MAP3K19: variants seen among roughly 807,000 people sequenced by gnomAD.
MAP3K19 encodes mitogen-activated protein kinase kinase kinase 19, also known as SPS1/STE20-related protein kinase YSK4.
MAP3K19 carries 91 observed loss-of-function variants against 114.4 expected under a neutral mutation model. The observed-to-expected ratio is 0.80, with a 90% confidence interval of 0.67 to 0.95. The LOEUF is 0.95. Ranked by LOEUF, MAP3K19 falls within the 40% of genes least tolerant of loss-of-function variation. MAP3K19 has a pLI of 0.00. For missense variants in MAP3K19, 1,471 were observed against 1,573.2 expected, an observed-to-expected ratio of 0.94 and a Z score of 1.10; for synonymous variants, 518 against 530.5, an observed-to-expected ratio of 0.98 and a Z score of 0.32.
At chr2:135,008,203 A>T (rs1171031676) in intron 5 of MAP3K19, among the ~76,000 whole-genome samples, 3 of 151,510 alleles carry the variant, frequency 2.0e-5, no homozygotes, top group African/African-American at 7.3e-5. Context: ...GCTCACTGCA[A>T]CCTCCACCTC....
At chr2:134,970,067 T>C (rs1210796137) in intron 12 of MAP3K19, among the ~76,000 whole-genome samples, 1 of 152,236 alleles carries the variant, frequency 6.6e-6, no homozygotes, top group Non-Finnish European at 1.5e-5. Context: ...CATAGTGTGA[T>C]GCCTCCAGCT....
At chr2:135,021,978 A>G in intron 4 of MAP3K19, 148 bp from the exon 5 acceptor site, 1 of 521,934 alleles carries the variant, frequency 1.9e-6, no homozygotes. Context: ...AGCTTCAAGC[A>G]CTAATTTTCA....
At position 134,979,572 on chromosome 2, in the gene MAP3K19, A is replaced by G. The variant is rs372617507; in HGVS notation, c.3920+1249T>C. Among the ~76,000 whole-genome samples, 31 of 152,006 alleles carry G rather than the reference A, an allele frequency of 2.0e-4. No homozygotes were observed. The East Asian group carries it at 5.2e-3, about 26-fold the overall frequency. Reference sequence around the variant, plus strand: ...TTAAATTCGGAACAAAGCAACTACAATAGTTTTAACAGTTAACACCAATAT... The same window carrying G: ...TTAAATTCGGAACAAAGCAACTACAGTAGTTTTAACAGTTAACACCAATAT... On this transcript the variant is annotated intron_variant, in intron 12 of 12. Transcript: ENST00000392915.
chr2:134,989,334 G>A (rs1375917153), intron 9 of MAP3K19, among the ~76,000 whole-genome samples: 1 of 152,128 alleles, frequency 6.6e-6, no homozygotes, highest in African/African-American at 2.4e-5. Flanking sequence ...TATAGGCATG[G>A]GTCATGGGTA....
intron 10 of MAP3K19, among the ~76,000 whole-genome samples, chr2:134,984,644 C>A (rs1254541846): frequency 6.6e-6 from 1 of 152,100 alleles, no homozygotes; most frequent in East Asian, 1.9e-4. Context: ...TTCTTCTGAC[C>A]AATAATTATT....
intron 12 of MAP3K19, among the ~76,000 whole-genome samples, chr2:134,980,450 G>A (rs1303024953): frequency 6.6e-6 from 1 of 152,060 alleles, no homozygotes; most frequent in African/African-American, 2.4e-5. Context: ...GGCTCAAAAT[G>A]TTTCCCCTCA....
intron 3 of MAP3K19, 80 bp from the exon 4 acceptor site, chr2:135,024,821 T>C: frequency 1.7e-6 from 1 of 573,744 alleles, no homozygotes; most frequent in East Asian, 2.9e-5. Flanking sequence ...AGGGAAACAT[T>C]TACATCAAAT....
chr2:135,024,738 A>G lies in MAP3K19; in HGVS notation c.-91T>C. On this transcript the variant is annotated 5_prime_UTR_variant, in exon 4 of 13. Transcript: ENST00000392915. ...TTCCACTAAAATCACAAAGTTTAGGATCTCTAGGAAGAACAGAATCAACAT... is the reference window on the plus strand; with the variant it reads ...TTCCACTAAAATCACAAAGTTTAGGGTCTCTAGGAAGAACAGAATCAACAT... 2 of 1,111,120 alleles carry G rather than the reference A, an allele frequency of 1.8e-6. No homozygotes were observed. Among genetic ancestry groups the G allele is most frequent in the Admixed American group, 3.8e-5 (2 of 52,418 alleles). 68.8% of individuals were successfully genotyped at this position (1,111,120 alleles called of 1,614,324 possible).
At chr2:134,975,807 T>A (rs1684197090) in intron 12 of MAP3K19, among the ~76,000 whole-genome samples, 1 of 152,098 alleles carries the variant, frequency 6.6e-6, no homozygotes, top group Non-Finnish European at 1.5e-5. Flanking sequence ...GCGGGTGGGG[T>A]CACTGCCAGT....
chr2:134,995,883 T>C (rs1325412045), intron 8 of MAP3K19, among the ~76,000 whole-genome samples: 2 of 152,058 alleles, frequency 1.3e-5, no homozygotes, highest in Non-Finnish European at 2.9e-5. Context: ...AATTAATAAA[T>C]ACCATTCTAA....
At chr2:134,984,523 A>G (rs1684952625) in intron 10 of MAP3K19, among the ~76,000 whole-genome samples, 1 of 152,204 alleles carries the variant, frequency 6.6e-6, no homozygotes, top group East Asian at 1.9e-4. Flanking sequence ...TATCTACAGT[A>G]ACCAAAACAG....
intron 6 of MAP3K19, among the ~76,000 whole-genome samples, chr2:135,001,596 T>TG (rs1686450922): frequency 6.6e-6 from 1 of 152,252 alleles, no homozygotes; most frequent in Admixed American, 6.5e-5. Context: ...TGCAAACACC[T>TG]AGCTGACATG....
intron 12 of MAP3K19, among the ~76,000 whole-genome samples, chr2:134,968,671 G>T (rs1220767356): frequency 6.6e-6 from 1 of 151,384 alleles, no homozygotes; most frequent in African/African-American, 2.4e-5. Flanking sequence ...CCTCCCAGAC[G>T]GGGTCGCGGC....
In MAP3K19 at chr2:135,003,873, C is replaced by T. The variant is rs117862372; in HGVS notation, c.235+1562G>A. Among the ~76,000 whole-genome samples, 104 of 152,186 alleles carry T rather than the reference C, an allele frequency of 6.8e-4. 1 individual carries two copies. The East Asian group carries it at 0.016, about 24-fold the overall frequency. ...CCGGTCCATTTAAAGAGATTTAAAC[C>T]GATATTTAAAATGAATATAATGGAC... On this transcript the variant is annotated intron_variant, in intron 6 of 12. Transcript: ENST00000392915.
chr2:134,967,427 G>C (rs548590996), intron 12 of MAP3K19, among the ~76,000 whole-genome samples: 9 of 152,222 alleles, frequency 5.9e-5, no homozygotes, highest in African/African-American at 1.4e-4. Context: ...CTGCCTGCCC[G>C]TGGGAACTGA....
At chr2:135,016,553 T>A (rs927106670) in intron 5 of MAP3K19, among the ~76,000 whole-genome samples, 6 of 152,354 alleles carry the variant, frequency 3.9e-5, no homozygotes, top group African/African-American at 1.4e-4. Context: ...ACAAACCTGC[T>A]AGGTTTTGAT....
At chr2:135,032,583 G>GTT (rs1171594166) in intron 2 of MAP3K19, among the ~76,000 whole-genome samples, 16 of 129,936 alleles carry the variant, frequency 1.2e-4, no homozygotes, top group African/African-American at 4.3e-4. Context: ...AATGTTGTTT[G>GTT]TTTTTTTTTT....
intron 11 of MAP3K19, among the ~76,000 whole-genome samples, chr2:134,982,725 G>A (rs4953943): frequency 0.29 from 44,674 of 151,848 alleles, 7,335 homozygotes; most frequent in Middle Eastern, 0.62. Context: ...AAATAGAGCT[G>A]GTTCAGCTCC....
chr2:135,044,719 C>G (rs775601963), intron 1 of MAP3K19, among the ~76,000 whole-genome samples: 1 of 152,194 alleles, frequency 6.6e-6, no homozygotes, highest in Non-Finnish European at 1.5e-5. Context: ...TTACTCCTTG[C>G]TAGCCACACT....
Sources: allele counts gnomAD v4.1 joint callset (sites outside exome capture counted in the v4.1 genomes callset), GRCh38; gene constraint gnomAD v4.1.1; transcripts MANE v1.5; gene names NCBI Gene and HGNC (gene_info 2026-07-23, HGNC 2026-07-21).